SEMA3E: variants seen among roughly 807,000 people sequenced by gnomAD.
The protein encoded by SEMA3E is semaphorin 3E, also known as semaphorin-3E.
In SEMA3E, 49 loss-of-function variants were observed where a neutral mutation model predicts 93.6. The observed-to-expected ratio is 0.52, with a 90% confidence interval of 0.42 to 0.66. SEMA3E has a LOEUF of 0.66. Among genes scored for constraint, SEMA3E ranks in the 30% least tolerant of loss-of-function variants. The probability of loss-of-function intolerance (pLI) is 0.00; values close to 1 mark genes in which losing one functional copy is unlikely to be tolerated. For missense variants in SEMA3E, 906 were observed against 964.8 expected (o/e 0.94, Z 0.81); for synonymous variants, 363 against 330.7 (o/e 1.10, Z -1.06).
intron 1 of SEMA3E, among the ~76,000 whole-genome samples, chr7:83,595,491 C>A (rs918168612): frequency 3.3e-5 from 5 of 151,974 alleles, no homozygotes; most frequent in African/African-American, 1.2e-4. Flanking sequence ...AAACTACAGG[C>A]TTTATTCAGA....
At chr7:83,483,895 C>T (rs1790198641) in intron 2 of SEMA3E, among the ~76,000 whole-genome samples, 1 of 152,118 alleles carries the variant, frequency 6.6e-6, no homozygotes, top group Admixed American at 6.5e-5. Flanking sequence ...TCATGACGTA[C>T]CGCTGTTGAC....
intron 1 of SEMA3E, among the ~76,000 whole-genome samples, chr7:83,572,664 CA>C (rs200504023): frequency 2.3e-4 from 34 of 150,922 alleles, no homozygotes; most frequent in African/African-American, 7.3e-4. Flanking sequence ...AACAAAAAAA[CA>C]AAAAAAACAG....
rs56941304 is a variant in SEMA3E at position 83,439,477 on chromosome 7, G to T, written c.457-20994C>A. ...GATCATCAGAGGAGTCTAGGCTAAG[G>T]GCTTTTTGGTTGTTTCTCAGGGAGA... is the stretch of plus-strand genomic sequence containing the variant. On this transcript the variant is annotated intron_variant, in intron 4 of 16. Transcript: ENST00000643230. Among the ~76,000 whole-genome samples the T allele has an allele frequency of 4.9e-3, 748 of 152,240 alleles. 7 individuals are homozygous for T. Among genetic ancestry groups the T allele is most frequent in the African/African-American group, 0.017 (715 of 41,524 alleles).
chr7:83,465,282 G>A (rs899321253), intron 4 of SEMA3E, among the ~76,000 whole-genome samples: 1 of 151,828 alleles, frequency 6.6e-6, no homozygotes, highest in African/African-American at 2.4e-5. Context: ...TCCCTTCGCT[G>A]ACTCTCTTTT....
intron 11 of SEMA3E, among the ~76,000 whole-genome samples, chr7:83,398,037 GT>G (rs1788159755): frequency 6.6e-6 from 1 of 152,136 alleles, no homozygotes; most frequent in African/African-American, 2.4e-5. Flanking sequence ...TAAAGCCGGT[GT>G]CTAGTAAATA....
intron 1 of SEMA3E, among the ~76,000 whole-genome samples, chr7:83,645,703 C>T (rs919899140): frequency 1.4e-5 from 2 of 141,398 alleles, no homozygotes; most frequent in African/African-American, 2.8e-5. Context: ...TCTTACTACC[C>T]TTGTACCTTG....
At chr7:83,547,711 G>A (rs368314573) in intron 1 of SEMA3E, among the ~76,000 whole-genome samples, 1 of 152,100 alleles carries the variant, frequency 6.6e-6, no homozygotes, top group African/African-American at 2.4e-5. Flanking sequence ...GTTGCTGCTA[G>A]AGATGTTGGT....
At chr7:83,509,892 G>A (rs567567700) in intron 1 of SEMA3E, among the ~76,000 whole-genome samples, 11 of 152,268 alleles carry the variant, frequency 7.2e-5, no homozygotes, top group Admixed American at 3.3e-4. Flanking sequence ...TCACAAGCTT[G>A]TAGATCAGTC....
At chr7:83,430,590 ACAC>A (rs1554324300) in intron 4 of SEMA3E, among the ~76,000 whole-genome samples, 2 of 152,150 alleles carry the variant, frequency 1.3e-5, no homozygotes, top group Non-Finnish European at 2.9e-5. Flanking sequence ...AGAAAACCAA[ACAC>A]CACATGTTCT....
intron 4 of SEMA3E, among the ~76,000 whole-genome samples, chr7:83,457,484 T>C (rs771021778): frequency 6.6e-6 from 1 of 152,234 alleles, no homozygotes; most frequent in Non-Finnish European, 1.5e-5. Flanking sequence ...GAAATAAAAT[T>C]AGAATTGCTT....
intron 2 of SEMA3E, among the ~76,000 whole-genome samples, chr7:83,481,159 TG>T (rs1790137853): frequency 6.6e-6 from 1 of 152,150 alleles, no homozygotes; most frequent in African/African-American, 2.4e-5. Flanking sequence ...AATGCAGATG[TG>T]GGTTGAATCT....
At chr7:83,392,078 A>T (rs1470423171) in intron 14 of SEMA3E, among the ~76,000 whole-genome samples, 1 of 152,116 alleles carries the variant, frequency 6.6e-6, no homozygotes, top group Non-Finnish European at 1.5e-5. Context: ...ACAGAATTGT[A>T]GGCATTGGAG....
At chr7:83,527,252 T>C (rs1400024235) in intron 1 of SEMA3E, among the ~76,000 whole-genome samples, 1 of 152,166 alleles carries the variant, frequency 6.6e-6, no homozygotes, top group Non-Finnish European at 1.5e-5. Flanking sequence ...ATATTAATTT[T>C]GGACTTCCAG....
intron 16 of SEMA3E, among the ~76,000 whole-genome samples, chr7:83,379,615 A>G (rs1248119606): frequency 1.3e-5 from 2 of 151,650 alleles, no homozygotes; most frequent in Non-Finnish European, 2.9e-5. Flanking sequence ...TTTGCTTTTT[A>G]TTTCATCACT....
At chr7:83,558,340 T>G (rs1791962367) in intron 1 of SEMA3E, among the ~76,000 whole-genome samples, 1 of 152,158 alleles carries the variant, frequency 6.6e-6, no homozygotes, top group African/African-American at 2.4e-5. Flanking sequence ...TGCACATTTT[T>G]CATATTGTTT....
At chr7:83,415,409 T>G (rs955834656) in intron 5 of SEMA3E, among the ~76,000 whole-genome samples, 1 of 152,136 alleles carries the variant, frequency 6.6e-6, no homozygotes, top group Non-Finnish European at 1.5e-5. Context: ...AGCAAGCCTA[T>G]TTAATATATG....
chr7:83,376,775 C>T (rs2116904341), intron 16 of SEMA3E, among the ~76,000 whole-genome samples: 1 of 152,048 alleles, frequency 6.6e-6, no homozygotes, highest in African/African-American at 2.4e-5. Context: ...ATTATGTAAG[C>T]AGTCTATATA....
intron 1 of SEMA3E, among the ~76,000 whole-genome samples, chr7:83,505,384 T>G (rs1197235698): frequency 6.6e-6 from 1 of 152,020 alleles, no homozygotes; most frequent in African/African-American, 2.4e-5. Flanking sequence ...CTCAAACAAA[T>G]AAAAGGAGAT....
rs1165125586 is a variant in SEMA3E at position 83,594,526 on chromosome 7, G to A, written c.115+53902C>T. 3.3e-5 allele frequency among the ~76,000 whole-genome samples: 5 copies of A among 152,096 alleles called. No individual in the cohort carries two copies. The East Asian group carries it at 9.6e-4, about 29-fold the overall frequency. On this transcript the variant is annotated intron_variant, in intron 1 of 16. Coordinates refer to ENST00000643230, the MANE Select transcript of SEMA3E (RefSeq NM_012431.3). ...CCCAGATTGCCAAAATAATTATAGC[G>A]CTGTGCTGTAGAGAGGATGAGCGCA...
Sources: gnomAD v4.1 joint callset for allele counts (sites outside exome capture counted in the v4.1 genomes callset) on GRCh38, gnomAD v4.1.1 for gene constraint, MANE v1.5 for transcripts, NCBI Gene and HGNC (gene_info 2026-07-23, HGNC 2026-07-21) for gene names.